The following POU6F2 variants were observed in gnomAD, a reference collection of about 807,000 sequenced individuals.
The protein encoded by POU6F2 is POU domain, class 6, transcription factor 2.
In POU6F2, 31 loss-of-function variants were observed where a neutral mutation model predicts 71.3. The observed-to-expected ratio is 0.43, with a 90% CI of 0.33 to 0.59. The LOEUF (loss-of-function observed/expected upper bound fraction) is 0.59, where lower values mean the gene tolerates loss of function less well. POU6F2 is among the 20% of genes least tolerant of loss of function. The probability of loss-of-function intolerance (pLI) is 0.04; values close to 1 mark genes in which losing one functional copy is unlikely to be tolerated. For synonymous variants in POU6F2, 347 were observed against 355.7 expected (o/e 0.98, Z 0.27); for missense variants, 783 against 856.8 (o/e 0.91, Z 1.07).
intron 4 of POU6F2, among the ~76,000 whole-genome samples, chr7:39,296,296 CCAAA>C (rs772528865): frequency 1.5e-4 from 23 of 152,154 alleles, no homozygotes; most frequent in South Asian, 2.1e-4. Flanking sequence ...GTTTTCCCTA[CCAAA>C]CAAATTTTAA....
At chr7:39,425,628 A>G (rs1442807133) in intron 6 of POU6F2, among the ~76,000 whole-genome samples, 2 of 152,224 alleles carry the variant, frequency 1.3e-5, no homozygotes, top group African/African-American at 4.8e-5. Context: ...CCTCTCAGAA[A>G]TAAACCAAAT....
intron 4 of POU6F2, among the ~76,000 whole-genome samples, chr7:39,268,879 C>T (rs990837590): frequency 2.6e-5 from 4 of 152,166 alleles, no homozygotes; most frequent in Admixed American, 2.6e-4. Context: ...TTAAATAAGT[C>T]TCCACTTCAA....
At chr7:38,996,337 A>G (rs1413060284) in intron 1 of POU6F2, among the ~76,000 whole-genome samples, 2 of 151,330 alleles carry the variant, frequency 1.3e-5, no homozygotes, top group African/African-American at 4.9e-5. Flanking sequence ...CACTGCACCC[A>G]GCTGGGGCTT....
chr7:38,993,089 A>G (rs1788644599), intron 1 of POU6F2, among the ~76,000 whole-genome samples: 1 of 152,208 alleles, frequency 6.6e-6, no homozygotes, highest in African/African-American at 2.4e-5. Flanking sequence ...GTGTAAGTAA[A>G]GTTATGTTAA....
intron 2 of POU6F2, among the ~76,000 whole-genome samples, chr7:39,126,501 C>T (rs1009630056): frequency 1.3e-5 from 2 of 152,178 alleles, no homozygotes; most frequent in East Asian, 1.9e-4. Flanking sequence ...TAGTTAAGTA[C>T]GTGTTGTGAG....
chr7:39,157,503 G>A (rs931289296), intron 2 of POU6F2, among the ~76,000 whole-genome samples: 6 of 152,062 alleles, frequency 3.9e-5, no homozygotes, highest in Non-Finnish European at 8.8e-5. Flanking sequence ...AAGATAAGCT[G>A]TTTCTAGATT....
At chr7:39,317,360 T>A (rs1254555280) in intron 4 of POU6F2, among the ~76,000 whole-genome samples, 1 of 152,160 alleles carries the variant, frequency 6.6e-6, no homozygotes, top group Non-Finnish European at 1.5e-5. Flanking sequence ...CTAAAGTGGA[T>A]CCCTCTTTCA....
intron 2 of POU6F2, among the ~76,000 whole-genome samples, chr7:39,129,828 C>T (rs1177966905): frequency 6.6e-6 from 1 of 152,046 alleles, no homozygotes; most frequent in Non-Finnish European, 1.5e-5. Flanking sequence ...CTTTGGGAGG[C>T]CGAGGCGGGC....
intron 2 of POU6F2, among the ~76,000 whole-genome samples, chr7:39,190,631 CTTTTTTTTT>C (rs58654872): frequency 0.15 from 11,436 of 74,488 alleles, 610 homozygotes; most frequent in East Asian, 0.27. Context: ...GAGTCAACTT[CTTTTTTTTT>C]TTTTTTTTTT....
chr7:39,448,363 T>C (rs773567659), intron 7 of POU6F2, among the ~76,000 whole-genome samples: 6 of 152,210 alleles, frequency 3.9e-5, no homozygotes, highest in Non-Finnish European at 7.3e-5. Context: ...TATAATCTTC[T>C]TGATCCTTGA....
At chr7:39,175,792 T>G (rs2128740166) in intron 2 of POU6F2, among the ~76,000 whole-genome samples, 1 of 152,260 alleles carries the variant, frequency 6.6e-6, no homozygotes, top group South Asian at 2.1e-4. Flanking sequence ...TTGATTTATC[T>G]CGCAGACTAG....
intron 1 of POU6F2, among the ~76,000 whole-genome samples, chr7:39,011,573 T>C (rs1789285536): frequency 6.8e-6 from 1 of 146,416 alleles, no homozygotes; most frequent in African/African-American, 2.5e-5. Flanking sequence ...ATTATGATGT[T>C]AGCTGGTGAT....
At chr7:39,188,133 A>G (rs1017863965) in intron 2 of POU6F2, among the ~76,000 whole-genome samples, 2 of 152,172 alleles carry the variant, frequency 1.3e-5, no homozygotes, top group African/African-American at 4.8e-5. Flanking sequence ...GGCTCTTTTT[A>G]TTCAGTAATC....
intron 5 of POU6F2, among the ~76,000 whole-genome samples, chr7:39,381,137 C>G (rs1347847378): frequency 6.6e-6 from 1 of 152,208 alleles, no homozygotes; most frequent in African/African-American, 2.4e-5. Flanking sequence ...TCTTAGCCCA[C>G]TACAACCTCT....
chr7:39,445,627 TC>T lies in POU6F2; in HGVS notation c.1321-5904del, dbSNP rs147727854. 4.2e-3 allele frequency among the ~76,000 whole-genome samples: 642 copies of T among 152,308 alleles called. 8 individuals are homozygous for T. Among genetic ancestry groups the T allele is most frequent in the African/African-American group, 0.015 (607 of 41,562 alleles). On this transcript the variant is annotated intron_variant, in intron 7 of 9. Transcript: ENST00000518318. ...ATAACTTCCTCCTCTTTTCAAATTT[TC>T]CACAAAGATAGCTAAAATCTCTCTT... is the stretch of plus-strand genomic sequence containing the variant.
chr7:39,022,637 A>G (rs763810461), intron 1 of POU6F2, among the ~76,000 whole-genome samples: 36 of 152,222 alleles, frequency 2.4e-4, no homozygotes, highest in Non-Finnish European at 4.4e-4. Context: ...TTATGTCTTC[A>G]TTCTTCACTC....
intron 4 of POU6F2, among the ~76,000 whole-genome samples, chr7:39,234,204 T>G (rs922097882): frequency 4.6e-5 from 7 of 152,098 alleles, no homozygotes; most frequent in Non-Finnish European, 1.0e-4. Flanking sequence ...TGGGAGTCTT[T>G]ATGATTAAAA....
At chr7:39,141,370 G>A (rs937000641) in intron 2 of POU6F2, among the ~76,000 whole-genome samples, 7 of 152,258 alleles carry the variant, frequency 4.6e-5, no homozygotes, top group Non-Finnish European at 5.9e-5. Flanking sequence ...CCCTCTGTGG[G>A]CAAAGTCTAC....
intron 1 of POU6F2, among the ~76,000 whole-genome samples, chr7:39,002,925 G>A (rs1032275618): frequency 6.6e-6 from 1 of 152,206 alleles, no homozygotes. Context: ...ACTATGAAAA[G>A]AGCGTTTTAA....
Sources: gnomAD v4.1 joint callset for allele counts (sites outside exome capture counted in the v4.1 genomes callset) on GRCh38, gnomAD v4.1.1 for gene constraint, MANE v1.5 for transcripts, NCBI Gene and HGNC (gene_info 2026-07-23, HGNC 2026-07-21) for gene names.